Variants in NUP98 observed in about 807,000 individuals in gnomAD.
The protein encoded by NUP98 is nucleoporin 98 and 96 precursor.
Under a neutral mutation model 191.9 loss-of-function variants are expected in NUP98, and 26 were observed. That is an observed-to-expected ratio of 0.14 (90% confidence interval 0.10 to 0.19). NUP98 has a LOEUF of 0.19. NUP98 is among the 10% of genes least tolerant of loss of function. NUP98 has a pLI of 1.00. For missense variants in NUP98, 1,941 were observed against 2,178.8 expected (o/e 0.89, Z 2.17); for synonymous variants, 808 against 778.4 (o/e 1.04, Z -0.63).
chr11:3,783,020 G>A (rs551790285), intron 1 of NUP98, among the ~76,000 whole-genome samples: 26 of 152,224 alleles, frequency 1.7e-4, no homozygotes, highest in African/African-American at 4.6e-4. Context: ...TTGAGATTAC[G>A]TTTTAAGACT....
intron 1 of NUP98, among the ~76,000 whole-genome samples, chr11:3,795,849 C>T (rs899803021): frequency 2.0e-5 from 3 of 152,194 alleles, no homozygotes; most frequent in South Asian, 2.1e-4. Context: ...ATTTAGACTA[C>T]GGTTCTCTTC....
At chr11:3,688,572 A>AG (rs2078200710) in intron 28 of NUP98, among the ~76,000 whole-genome samples, 1 of 151,366 alleles carries the variant, frequency 6.6e-6, no homozygotes, top group African/African-American at 2.4e-5. Context: ...AGGCAGGAGG[A>AG]TTACTTGAGG....
chr11:3,776,097 A>G (rs1396292987), intron 4 of NUP98, 76 bp from the exon 5 acceptor site: 1 of 1,060,372 alleles, frequency 9.4e-7, no homozygotes, highest in African/African-American at 1.6e-5. Context: ...GAATTGGGCT[A>G]TGGCACTAGC....
intron 31 of NUP98, 187 bp downstream of exon 31, chr11:3,679,367 G>A: frequency 1.4e-6 from 1 of 732,276 alleles, no homozygotes; most frequent in Non-Finnish European, 2.4e-6. Context: ...ACATAAAATA[G>A]CATTTTTAAG....
At chr11:3,797,131 G>C (rs559148023) in intron 1 of NUP98, among the ~76,000 whole-genome samples, 28 of 152,364 alleles carry the variant, frequency 1.8e-4, no homozygotes, top group Non-Finnish European at 2.9e-4. Context: ...AGTACAACCA[G>C]ACAGACACCC....
At chr11:3,757,109 A>C (rs891607652) in intron 10 of NUP98, among the ~76,000 whole-genome samples, 26 of 134,770 alleles carry the variant, frequency 1.9e-4, no homozygotes, top group African/African-American at 7.2e-4. Context: ...ATATATATAT[A>C]TCTATATATC....
chr11:3,702,324 CTCTCTCTCTCTCTCTCTCTCT>C (rs749651567), intron 23 of NUP98, 118 bp downstream of exon 23: 43 of 152,572 alleles, frequency 2.8e-4, no homozygotes, highest in South Asian at 1.3e-3. Context: ...CTCTCTCTCT[CTCTCTCTCTCTCTCTCTCTCT>C]CTCTCTCTCT....
At chr11:3,723,934 C>T (rs1023345011) in intron 15 of NUP98, among the ~76,000 whole-genome samples, 6 of 150,368 alleles carry the variant, frequency 4.0e-5, no homozygotes, top group South Asian at 4.2e-4. Context: ...ACAGGAATAC[C>T]GGATAATCTA....
chr11:3,759,434 T>C (rs2081089047), intron 10 of NUP98, among the ~76,000 whole-genome samples: 1 of 151,936 alleles, frequency 6.6e-6, no homozygotes, highest in Admixed American at 6.6e-5. Flanking sequence ...TTGTCTCTAC[T>C]AAAAACACAA....
chr11:3,700,916 T>C (rs1343404277), intron 23 of NUP98, 77 bp from the exon 24 acceptor site: 11 of 945,248 alleles, frequency 1.2e-5, no homozygotes, highest in African/African-American at 1.7e-5. Context: ...ACCAAACCAC[T>C]GTTTCTTTTT....
chr11:3,737,893 G>C (rs769581077), intron 12 of NUP98, among the ~76,000 whole-genome samples: 58 of 140,850 alleles, frequency 4.1e-4, no homozygotes, highest in Admixed American at 1.5e-3. Flanking sequence ...TTTTTTTTTT[G>C]GTACACAGTA....
intron 11 of NUP98, among the ~76,000 whole-genome samples, chr11:3,746,908 A>T (rs1198598885): frequency 1.4e-5 from 2 of 147,316 alleles, no homozygotes; most frequent in African/African-American, 5.3e-5. Context: ...AGCAAAACGC[A>T]GTCTCAAAAA....
chr11:3,679,319 C>T (rs148213283), intron 31 of NUP98: 10,689 of 610,320 alleles, frequency 0.018, 150 homozygotes, highest in Middle Eastern at 0.027. Context: ...TATGGACAAG[C>T]CTCAGGAATG....
chr11:3,685,534 G>A (rs761253391), intron 29 of NUP98, among the ~76,000 whole-genome samples: 7 of 152,120 alleles, frequency 4.6e-5, no homozygotes, highest in Non-Finnish European at 8.8e-5. Context: ...CCACTATGAG[G>A]AGAATAGTTC....
intron 28 of NUP98, among the ~76,000 whole-genome samples, chr11:3,690,559 C>T (rs571431237): frequency 6.6e-4 from 100 of 152,084 alleles, no homozygotes; most frequent in African/African-American, 2.3e-3. Context: ...CGCACCCGGC[C>T]GCCTGCATTT....
chr11:3,716,989 C>T (rs1188636639), intron 18 of NUP98, among the ~76,000 whole-genome samples: 5 of 152,004 alleles, frequency 3.3e-5, no homozygotes, highest in African/African-American at 1.2e-4. Context: ...GTAGGCAGTA[C>T]TGACATTTTA....
intron 4 of NUP98, among the ~76,000 whole-genome samples, chr11:3,777,883 C>T (rs974495191): frequency 6.6e-6 from 1 of 151,794 alleles, no homozygotes; most frequent in African/African-American, 2.4e-5. Flanking sequence ...CAATGTTATA[C>T]AAACAACTTT....
At chr11:3,728,917 G>T (rs1007262022) in intron 14 of NUP98, among the ~76,000 whole-genome samples, 10 of 152,132 alleles carry the variant, frequency 6.6e-5, no homozygotes, top group Non-Finnish European at 1.3e-4. Flanking sequence ...ACTTAGATGA[G>T]GAATGTGTGA....
At chr11:3,789,812 G>A (rs1646312831) in intron 1 of NUP98, among the ~76,000 whole-genome samples, 1 of 151,658 alleles carries the variant, frequency 6.6e-6, no homozygotes, top group African/African-American at 2.4e-5. Flanking sequence ...AGACAGTCTT[G>A]CTCTGTTGCC....
Sources: gnomAD v4.1 joint callset for allele counts (sites outside exome capture counted in the v4.1 genomes callset) on GRCh38, gnomAD v4.1.1 for gene constraint, MANE v1.5 for transcripts, NCBI Gene and HGNC (gene_info 2026-07-23, HGNC 2026-07-21) for gene names.